Variants in SHROOM3 observed in about 807,000 individuals in gnomAD.
SHROOM3 encodes shroom family member 3.
Under a neutral mutation model 138.6 loss-of-function variants are expected in SHROOM3, and 47 were observed. The observed-to-expected ratio is 0.34, with a 90% CI of 0.27 to 0.43. The LOEUF (loss-of-function observed/expected upper bound fraction) is 0.43. Ranked by LOEUF, SHROOM3 falls within the 20% of genes least tolerant of loss-of-function variation. The probability of loss-of-function intolerance (pLI) is 1.00; values close to 1 mark genes in which losing one functional copy is unlikely to be tolerated. For synonymous variants in SHROOM3, 1,062 were observed against 1,063.3 expected, an observed-to-expected ratio of 1.00 and a Z score of 0.02; for missense variants, 2,491 against 2,596.5, an observed-to-expected ratio of 0.96 and a Z score of 0.88.
At chr4:76,439,083 G>A (rs28722184) in intron 1 of SHROOM3, among the ~76,000 whole-genome samples, 26,191 of 152,158 alleles carry the variant, frequency 0.17, 2,345 homozygotes, top group South Asian at 0.23. Context: ...GCTAAAGTCA[G>A]TGTGTCAGCA....
intron 4 of SHROOM3, among the ~76,000 whole-genome samples, chr4:76,735,890 T>C (rs1016883900): frequency 2.4e-5 from 3 of 127,084 alleles, no homozygotes; most frequent in African/African-American, 9.0e-5. Context: ...TATATATATA[T>C]ATATATATAT....
chr4:76,747,626 C>T (rs1721483394), intron 5 of SHROOM3, among the ~76,000 whole-genome samples: 1 of 152,178 alleles, frequency 6.6e-6, no homozygotes, highest in African/African-American at 2.4e-5. Flanking sequence ...TAGGCGCTCA[C>T]ATGGGACCTA....
chr4:76,495,664 C>G (rs12512288), intron 1 of SHROOM3, among the ~76,000 whole-genome samples: 86,882 of 152,006 alleles, frequency 0.57, 25,700 homozygotes, highest in Non-Finnish European at 0.64. Flanking sequence ...TTCTGGTGTT[C>G]AGGGCTCATT....
chr4:76,732,601 G>C (rs1720920034), intron 4 of SHROOM3, among the ~76,000 whole-genome samples: 2 of 152,348 alleles, frequency 1.3e-5, no homozygotes, highest in South Asian at 4.1e-4. Flanking sequence ...TGTTCTCAGA[G>C]AGCAGGTTTC....
intron 1 of SHROOM3, among the ~76,000 whole-genome samples, chr4:76,551,560 C>G (rs536455947): frequency 6.6e-6 from 1 of 152,058 alleles, no homozygotes; most frequent in African/African-American, 2.4e-5. Context: ...ATTGAATGAA[C>G]GAACCAATAT....
In SHROOM3 at chr4:76,738,869, C is replaced by T; in HGVS notation, c.696C>T (p.Tyr232=). Residue 232 remains tyrosine, a synonymous_variant, in exon 5 of 11, where the codon TAC becomes TAT. Transcript: ENST00000296043. ...AGAGCCTGGAGCCCAGTGGGGCATACCCACCCTGTCATCTTTCCCCTGCCA... is the reference window on the plus strand; with the variant it reads ...AGAGCCTGGAGCCCAGTGGGGCATATCCACCCTGTCATCTTTCCCCTGCCA... The part of the protein sequence containing the change: ...SMESLEPSGA[Y]PPCHLSPAKS... 1 of 1,614,234 alleles carries T rather than the reference C, an allele frequency of 6.2e-7. No individual in the cohort carries two copies. Among genetic ancestry groups the T allele is most frequent in the Non-Finnish European group, 8.5e-7 (1 of 1,180,038 alleles).
At chr4:76,756,356 C>T in intron 7 of SHROOM3, 93 bp from the exon 8 acceptor site, 1 of 1,445,576 alleles carries the variant, frequency 6.9e-7, no homozygotes, top group Non-Finnish European at 9.4e-7. Context: ...GCTTCTCCCT[C>T]AGTCTTTCTC....
At chr4:76,659,847 G>A (rs1415955585) in intron 2 of SHROOM3, among the ~76,000 whole-genome samples, 1 of 152,210 alleles carries the variant, frequency 6.6e-6, no homozygotes, top group African/African-American at 2.4e-5. Flanking sequence ...CTCCCAAAGT[G>A]CTGGGATTAC....
intron 2 of SHROOM3, among the ~76,000 whole-genome samples, chr4:76,590,446 T>C (rs1338983818): frequency 1.3e-5 from 2 of 151,810 alleles, no homozygotes; most frequent in Non-Finnish European, 2.9e-5. Context: ...GCCTGAGAAC[T>C]GTTCTTGTGG....
At chr4:76,676,827 C>T (rs560750949) in intron 2 of SHROOM3, among the ~76,000 whole-genome samples, 95 of 151,860 alleles carry the variant, frequency 6.3e-4, no homozygotes, top group Non-Finnish European at 1.3e-3. Flanking sequence ...CCTGTAGTCC[C>T]AGCTACTCGG....
At chr4:76,542,928 C>T (rs2110021753) in intron 1 of SHROOM3, among the ~76,000 whole-genome samples, 1 of 152,284 alleles carries the variant, frequency 6.6e-6, no homozygotes, top group South Asian at 2.1e-4. Context: ...CTCTGCTGAA[C>T]AGCTCCACCA....
chr4:76,444,484 CTTTTTTTTTTTTTT>C (rs61655085), intron 1 of SHROOM3, among the ~76,000 whole-genome samples: 17 of 60,152 alleles, frequency 2.8e-4, no homozygotes, highest in Admixed American at 5.6e-4. Flanking sequence ...CTCTTTCTTT[CTTTTTTTTTTTTTT>C]TTTTTTTTTT....
intron 2 of SHROOM3, among the ~76,000 whole-genome samples, chr4:76,668,715 G>T (rs1043046687): frequency 5.3e-5 from 8 of 152,224 alleles, no homozygotes; most frequent in African/African-American, 1.7e-4. Flanking sequence ...ACAAATCAAT[G>T]AAACAGACAC....
chr4:76,699,856 C>T (rs2110112180), intron 2 of SHROOM3, among the ~76,000 whole-genome samples: 1 of 152,254 alleles, frequency 6.6e-6, no homozygotes, highest in East Asian at 1.9e-4. Flanking sequence ...TGATGAGACT[C>T]CCCTGATGCA....
At chr4:76,514,736 AT>A (rs1238636106) in intron 1 of SHROOM3, among the ~76,000 whole-genome samples, 1 of 152,228 alleles carries the variant, frequency 6.6e-6, no homozygotes, top group African/African-American at 2.4e-5. Context: ...AACATTTAAA[AT>A]ATAATTCAAT....
At chr4:76,759,062 T>G (rs1721907860) in intron 8 of SHROOM3, among the ~76,000 whole-genome samples, 1 of 152,060 alleles carries the variant, frequency 6.6e-6, no homozygotes, top group Admixed American at 6.5e-5. Context: ...GAAGGAAAAA[T>G]TTTGTGTGTT....
chr4:76,519,527 C>T (rs553379214), intron 1 of SHROOM3, among the ~76,000 whole-genome samples: 35 of 152,110 alleles, frequency 2.3e-4, no homozygotes, highest in Non-Finnish European at 3.8e-4. Flanking sequence ...GATAATGAAT[C>T]GCAGTTGGTC....
intron 2 of SHROOM3, among the ~76,000 whole-genome samples, chr4:76,689,178 G>A (rs1413006663): frequency 1.3e-5 from 2 of 152,026 alleles, no homozygotes; most frequent in Non-Finnish European, 2.9e-5. Flanking sequence ...GCTTCGGTCC[G>A]GTCCCCTTAA....
At chr4:76,684,621 T>G (rs749740821) in intron 2 of SHROOM3, among the ~76,000 whole-genome samples, 4 of 152,152 alleles carry the variant, frequency 2.6e-5, no homozygotes, top group Admixed American at 6.5e-5. Context: ...TGCCTTTACT[T>G]GGGACCCTGG....
Sources: allele counts gnomAD v4.1 joint callset (sites outside exome capture counted in the v4.1 genomes callset), GRCh38; gene constraint gnomAD v4.1.1; transcripts MANE v1.5; gene names NCBI Gene and HGNC (gene_info 2026-07-23, HGNC 2026-07-21).